MRLN: variants seen among roughly 807,000 people sequenced by gnomAD.
MRLN encodes the protein Linc-RNA activator of myogenesis.
chr10:59,745,494 A>AC (rs927624539), intron 1 of MRLN, among the ~76,000 whole-genome samples: 1 of 36,052 alleles, frequency 2.8e-5, no homozygotes, highest in Non-Finnish European at 5.7e-5. Flanking sequence ...TCCCCCCCCC[A>AC]CCCCCCACCC....
chr10:59,743,822 G>A (rs537418462), intron 1 of MRLN, among the ~76,000 whole-genome samples: 8 of 152,234 alleles, frequency 5.3e-5, no homozygotes, highest in South Asian at 2.1e-4. Flanking sequence ...GCGCCGCCAC[G>A]CCTGACTGGT....
intron 1 of MRLN, among the ~76,000 whole-genome samples, chr10:59,742,708 C>T (rs929502723): frequency 1.3e-5 from 2 of 151,286 alleles, no homozygotes; most frequent in Non-Finnish European, 2.9e-5. Flanking sequence ...TCCTTCCTTC[C>T]CTTTCTTTTC....
chr10:59,751,027 G>A (rs1183278553), intron 1 of MRLN, among the ~76,000 whole-genome samples: 1 of 152,168 alleles, frequency 6.6e-6, no homozygotes, highest in Non-Finnish European at 1.5e-5. Context: ...AAGGCATTTG[G>A]CAAAACCTTT....
rs144396414 is a variant in MRLN, at chr10:59,745,474, G to A, written c.-124-6912C>T. 6.5e-4 allele frequency among the ~76,000 whole-genome samples: 96 copies of A among 148,592 alleles called. 1 individual carries two copies. Among genetic ancestry groups the A allele is most frequent in the African/African-American group, 2.4e-3 (93 of 38,840 alleles). ...TTTTTATGTTGAAACTTCAGATGAC[G>A]GCAAATAATTCCCCCCCCCACCCCC... is the stretch of plus-strand genomic sequence containing the variant. On this transcript the variant is annotated intron_variant, in intron 1 of 2. Transcript: ENST00000414264.
intron 1 of MRLN, chr10:59,744,067 C>T: frequency 5.7e-6 from 1 of 174,762 alleles, no homozygotes; most frequent in South Asian, 1.5e-4. Context: ...GAGATTGCAG[C>T]CTCTGCCCGG....
At chr10:59,740,576 A>C (rs1040964980) in intron 1 of MRLN, among the ~76,000 whole-genome samples, 1 of 152,146 alleles carries the variant, frequency 6.6e-6, no homozygotes, top group Admixed American at 6.5e-5. Context: ...ATAAGAAAAA[A>C]AATTAAAAAT....
chr10:59,743,138 G>A (rs1383745038), intron 1 of MRLN, among the ~76,000 whole-genome samples: 3 of 152,162 alleles, frequency 2.0e-5, no homozygotes, highest in Non-Finnish European at 4.4e-5. Context: ...TAGTTGTGAA[G>A]TTTGGGTGGA....
intron 1 of MRLN, among the ~76,000 whole-genome samples, chr10:59,750,037 C>A (rs1193812718): frequency 1.4e-5 from 2 of 145,742 alleles, no homozygotes; most frequent in Non-Finnish European, 3.0e-5. Context: ...TTCAATGGAA[C>A]CTCCCTTGCT....
At chr10:59,738,218 A>G (rs936047559) in intron 2 of MRLN, 9 of 152,340 alleles carry the variant, frequency 5.9e-5, no homozygotes, top group Admixed American at 3.3e-4. Flanking sequence ...TTTTCCCTGC[A>G]TGCAACAATT....
At chr10:59,747,909 C>T (rs1035590909) in intron 1 of MRLN, among the ~76,000 whole-genome samples, 1 of 152,168 alleles carries the variant, frequency 6.6e-6, no homozygotes, top group African/African-American at 2.4e-5. Context: ...GAAAAACATA[C>T]ATAATAAGTC....
In MRLN at chr10:59,750,045, GCTCTCT is replaced by G. The variant is rs201153685; in HGVS notation, c.-125+3303_-125+3308del. On this transcript the variant is annotated intron_variant, in intron 1 of 2. Coordinates refer to ENST00000414264, the MANE Select transcript of MRLN (RefSeq NM_001304731.2). ...TCTTCTCTTCAATGGAACCTCCCTTGCTCTCTCTCTCTCTCTCTTTTTTTTTTTTTT... is the reference window on the plus strand; with the variant it reads ...TCTTCTCTTCAATGGAACCTCCCTTGCTCTCTCTCTCTTTTTTTTTTTTTT... Among the ~76,000 whole-genome samples the G allele has an allele frequency of 6.2e-4, 80 of 129,816 alleles. 2 individuals are homozygous for G. Among genetic ancestry groups the G allele is most frequent in the African/African-American group, 2.2e-3 (76 of 34,382 alleles). The allele number at this position is 129,816 out of a possible 152,430, so 85.2% of individuals were successfully genotyped here. A position where few individuals can be genotyped will look rare whatever the true frequency, so the allele number is the denominator to read the frequency against.
intron 1 of MRLN, among the ~76,000 whole-genome samples, chr10:59,750,362 C>T (rs370829515): frequency 2.2e-4 from 33 of 152,298 alleles, no homozygotes; most frequent in South Asian, 6.2e-4. Context: ...TGAGCCATCA[C>T]GCCCAGCCCA....
intron 1 of MRLN, among the ~76,000 whole-genome samples, chr10:59,749,307 C>T (rs902230204): frequency 5.3e-5 from 8 of 152,222 alleles, no homozygotes; most frequent in Admixed American, 1.3e-4. Flanking sequence ...ACGTTACACA[C>T]GTACTAAGAG....
chr10:59,748,091 G>GTT (rs796457239), intron 1 of MRLN, among the ~76,000 whole-genome samples: 1,457 of 135,862 alleles, frequency 0.011, 23 homozygotes, highest in East Asian at 0.053. Context: ...TTTTTCTTTT[G>GTT]TTTTTTTTTT....
At chr10:59,745,331 G>A (rs944078154) in intron 1 of MRLN, among the ~76,000 whole-genome samples, 18 of 152,056 alleles carry the variant, frequency 1.2e-4, no homozygotes, top group Non-Finnish European at 2.2e-4. Flanking sequence ...ACAACTTACT[G>A]AATGTGTTTA....
chr10:59,752,328 T>C (rs1459501164), intron 1 of MRLN, among the ~76,000 whole-genome samples: 1 of 152,228 alleles, frequency 6.6e-6, no homozygotes, highest in Non-Finnish European at 1.5e-5. Context: ...AGAAGGAATT[T>C]ATAAATTTGT....
At chr10:59,750,269 C>T (rs1345868935) in intron 1 of MRLN, among the ~76,000 whole-genome samples, 1 of 152,006 alleles carries the variant, frequency 6.6e-6, no homozygotes, top group East Asian at 1.9e-4. Context: ...CAGGGTTTCA[C>T]CATGTTGGAC....
At chr10:59,745,150 A>T (rs981185760) in intron 1 of MRLN, among the ~76,000 whole-genome samples, 5 of 152,258 alleles carry the variant, frequency 3.3e-5, no homozygotes, top group African/African-American at 1.2e-4. Context: ...AAGAAAATGA[A>T]TCATGGTAGT....
intron 1 of MRLN, among the ~76,000 whole-genome samples, chr10:59,746,633 G>A (rs1194735036): frequency 6.6e-6 from 1 of 152,130 alleles, no homozygotes. Flanking sequence ...TGGATGGGAT[G>A]GAAGGGCTGA....
Sources: allele counts gnomAD v4.1 joint callset (sites outside exome capture counted in the v4.1 genomes callset), GRCh38; gene constraint gnomAD v4.1.1; transcripts MANE v1.5; gene names NCBI Gene and HGNC (gene_info 2026-07-23, HGNC 2026-07-21).